SIPA1L3: variants seen among roughly 807,000 people sequenced by gnomAD.
SIPA1L3 encodes the protein signal-induced proliferation-associated 1-like protein 3.
In SIPA1L3, 59 loss-of-function variants were observed where a neutral mutation model predicts 150.1. That is an observed-to-expected ratio of 0.39 (90% CI 0.32 to 0.49). The LOEUF (loss-of-function observed/expected upper bound fraction) is 0.49, where lower values mean the gene tolerates loss of function less well. Ranked by LOEUF, SIPA1L3 falls within the 20% of genes least tolerant of loss-of-function variation. The pLI, the probability that SIPA1L3 is intolerant of heterozygous loss-of-function variation, is 0.86. For synonymous variants in SIPA1L3, 1,070 were observed against 1,077.6 expected, an observed-to-expected ratio of 0.99 and a Z score of 0.14; for missense variants, 2,211 against 2,489.5, an observed-to-expected ratio of 0.89 and a Z score of 2.38.
In SIPA1L3 at chr19:38,046,538, A is replaced by G. The variant is rs1346881638; in HGVS notation, c.-311+17382A>G. ...AGGGTGGCCGGGGAGGGGAGTTTCC[A>G]GATTACCTGTGTCTCCTGGGCATGG... On this transcript the variant is annotated intron_variant, in intron 2 of 21. Coordinates refer to ENST00000222345, the MANE Select transcript of SIPA1L3 (RefSeq NM_015073.3). This position sits in a 1 kb window ranked among gnomAD's most constrained non-coding sequence, Gnocchi z 5.6. Among the ~76,000 whole-genome samples the G allele has an allele frequency of 6.6e-6, 1 of 152,110 alleles. No individual in the cohort carries two copies. Among genetic ancestry groups the G allele is most frequent in the Non-Finnish European group, 1.5e-5 (1 of 68,016 alleles).
intron 1 of SIPA1L3, among the ~76,000 whole-genome samples, chr19:37,974,580 C>T (rs534143151): frequency 3.5e-4 from 54 of 152,120 alleles, no homozygotes; most frequent in African/African-American, 1.2e-3. Flanking sequence ...TGGTTCTAGC[C>T]GGTACTGTCA....
intron 1 of SIPA1L3, among the ~76,000 whole-genome samples, chr19:38,014,544 C>A (rs117974342): frequency 8.6e-6 from 1 of 116,838 alleles, no homozygotes. Flanking sequence ...ACACCACATT[C>A]TTTTTTTTTT....
chr19:38,074,273 T>A (rs855619), intron 2 of SIPA1L3, among the ~76,000 whole-genome samples: 23,406 of 152,252 alleles, frequency 0.15, 1,894 homozygotes, highest in African/African-American at 0.19. Context: ...AGAACATCTG[T>A]GTGTGTGCAC....
intron 2 of SIPA1L3, among the ~76,000 whole-genome samples, chr19:38,071,201 TTATCTATC>T (rs60942211): frequency 0.23 from 32,327 of 142,006 alleles, 3,694 homozygotes; most frequent in African/African-American, 0.25. Flanking sequence ...TTATGTTGTT[TTATCTATC>T]TATCTATCTA....
intron 2 of SIPA1L3, among the ~76,000 whole-genome samples, chr19:38,045,327 G>C (rs1305922108): frequency 6.6e-6 from 1 of 151,706 alleles, no homozygotes; most frequent in African/African-American, 2.4e-5. Flanking sequence ...GCAGTGAGCT[G>C]AGATCATGCC....
At chr19:38,130,879 C>T in intron 10 of SIPA1L3, 107 bp downstream of exon 10, 4 of 1,267,484 alleles carry the variant, frequency 3.2e-6, no homozygotes, top group Non-Finnish European at 2.2e-6. Flanking sequence ...GGGGGATAGG[C>T]AGGCCCTTCT....
intron 4 of SIPA1L3, among the ~76,000 whole-genome samples, chr19:38,097,471 T>A (rs1970405445): frequency 6.6e-6 from 1 of 152,220 alleles, no homozygotes; most frequent in African/African-American, 2.4e-5. Flanking sequence ...AAATGGGCTG[T>A]GGGTGCTGGA....
chr19:38,152,810 C>T (rs772927025), intron 12 of SIPA1L3, 30 bp from the exon 13 acceptor site: 6 of 1,593,036 alleles, frequency 3.8e-6, no homozygotes, highest in Non-Finnish European at 4.3e-6. Flanking sequence ...TGATCTTTAA[C>T]CCTGGGCACG....
intron 6 of SIPA1L3, among the ~76,000 whole-genome samples, chr19:38,101,674 G>A (rs1970507173): frequency 1.3e-5 from 2 of 152,178 alleles, no homozygotes; most frequent in African/African-American, 4.8e-5. Context: ...GCCTCTCAAA[G>A]TGTTGGGATT....
chr19:38,056,011 C>T (rs773143638), intron 2 of SIPA1L3, among the ~76,000 whole-genome samples: 7 of 152,242 alleles, frequency 4.6e-5, no homozygotes, highest in South Asian at 4.1e-4. Context: ...ATTCACCTCT[C>T]TCCCTCCCGC....
At position 38,142,640 on chromosome 19, in the gene SIPA1L3, C is replaced by T. The variant is rs1971617622; in HGVS notation, c.3463C>T (p.Arg1155Ter). 1 of 1,614,074 alleles carries T rather than the reference C, an allele frequency of 6.2e-7. No homozygotes were observed. The change falls in exon 12 of 22, where the codon CGA becomes TGA. Residue 1155 changes from arginine (R) to a stop codon, truncating the protein, a stop_gained. Transcript: ENST00000222345. LOFTEE classifies it high-confidence loss of function. ...AGGGGCCGACAGAGTCCCTCCCTAC[C>T]GACAGCCTTCTGGGAGCTTCTCCAC... ...PAGADRVPPY[R>*]QPSGSFSTPG... is the part of the protein sequence containing the mutation.
chr19:38,091,211 C>A (rs1970250660), intron 4 of SIPA1L3, among the ~76,000 whole-genome samples: 3 of 151,884 alleles, frequency 2.0e-5, no homozygotes, highest in Non-Finnish European at 4.4e-5. Flanking sequence ...TATGGTAAAA[C>A]CCTGTCTGTA....
intron 9 of SIPA1L3, among the ~76,000 whole-genome samples, chr19:38,128,645 C>T (rs1445627905): frequency 6.6e-6 from 1 of 152,122 alleles, no homozygotes; most frequent in African/African-American, 2.4e-5. Flanking sequence ...GCCTGTAATC[C>T]CAGCACTTTG....
chr19:38,198,508 G>C lies in SIPA1L3; in HGVS notation c.4960G>C (p.Val1654Leu), dbSNP rs1174592728. 7 of 1,586,906 alleles carry C rather than the reference G, an allele frequency of 4.4e-6. No homozygotes were observed. The East Asian group carries it at 9.6e-5, about 22-fold the overall frequency. The change falls in exon 19 of 22, where the codon GTG becomes CTG. Residue 1654 changes from valine to leucine, a missense_variant. This residue lies in a region of SIPA1L3 where 806 missense variants were observed against 870.1 expected (regional missense o/e 0.93). Coordinates refer to ENST00000222345, the MANE Select transcript of SIPA1L3 (RefSeq NM_015073.3). Reference sequence around the variant, plus strand: ...TGCTGGCCTCGAGTGGTCCAGCCTGGTGAACGCAGCCAAGGCATACGAAGG... The same window carrying C: ...TGCTGGCCTCGAGTGGTCCAGCCTGCTGAACGCAGCCAAGGCATACGAAGG... ...TAAGLEWSSL[V>L]NAAKAYEVQR...
chr19:38,050,313 C>T (rs1377264066), intron 2 of SIPA1L3, among the ~76,000 whole-genome samples: 8 of 151,926 alleles, frequency 5.3e-5, no homozygotes, highest in African/African-American at 1.9e-4. Context: ...AAAATTAGCC[C>T]GACGTGGTGG....
intron 1 of SIPA1L3, among the ~76,000 whole-genome samples, chr19:37,930,334 C>T (rs935166032): frequency 6.7e-6 from 1 of 150,208 alleles, no homozygotes; most frequent in Non-Finnish European, 1.5e-5. Context: ...ATTTTTTAAT[C>T]ATTCATAGAG....
At chr19:38,003,867 G>C (rs1967871567) in intron 1 of SIPA1L3, among the ~76,000 whole-genome samples, 1 of 152,168 alleles carries the variant, frequency 6.6e-6, no homozygotes, top group Admixed American at 6.6e-5. Flanking sequence ...CCGGGAAGTT[G>C]AGTCAAATCT....
At chr19:37,972,104 A>G (rs776739850) in intron 1 of SIPA1L3, among the ~76,000 whole-genome samples, 1 of 151,728 alleles carries the variant, frequency 6.6e-6, no homozygotes. Flanking sequence ...CATACTTAAG[A>G]GTGGAGTTAC....
chr19:38,032,955 G>A (rs1968686378), intron 2 of SIPA1L3, among the ~76,000 whole-genome samples: 1 of 152,212 alleles, frequency 6.6e-6, no homozygotes, highest in African/African-American at 2.4e-5. Flanking sequence ...AAGGGGACTG[G>A]CCTCACAGGG....
Sources: gnomAD v4.1 joint callset for allele counts (sites outside exome capture counted in the v4.1 genomes callset) on GRCh38, gnomAD v4.1.1 for gene constraint, gnomAD v4.1.1 regional missense constraint, Gnocchi (gnomAD v3.1) non-coding constraint, MANE v1.5 for transcripts, NCBI Gene and HGNC (gene_info 2026-07-23, HGNC 2026-07-21) for gene names.